Variants in ACOT13 observed in about 807,000 individuals in gnomAD.
ACOT13 encodes acyl-CoA thioesterase 13, also known as acyl-coenzyme A thioesterase 13.
ACOT13 carries 10 observed loss-of-function variants against 11.8 expected under a neutral mutation model. That is an observed-to-expected ratio of 0.85 (90% CI 0.53 to 1.44). The LOEUF (loss-of-function observed/expected upper bound fraction) is 1.44. Among genes scored for constraint, ACOT13 ranks in the 40% most tolerant of loss-of-function variants. The pLI is 0.00. For synonymous variants in ACOT13, 53 were observed against 61.0 expected (o/e 0.87, Z 0.61); for missense variants, 172 against 174.1 (o/e 0.99, Z 0.07).
intron 1 of ACOT13, among the ~76,000 whole-genome samples, chr6:24,674,107 G>A (rs1291652594): frequency 6.6e-6 from 1 of 152,068 alleles, no homozygotes; most frequent in African/African-American, 2.4e-5. Context: ...TGGCACCCAG[G>A]CTGGAAGGCA....
At position 24,704,454 on chromosome 6, in the gene ACOT13, G is replaced by GT. The variant is rs1163749699; in HGVS notation, c.*2843dup. 6.6e-6 allele frequency: 1 copy of GT among 152,166 alleles called. No homozygotes were observed. The highest frequency in any genetic ancestry group is 1.5e-5 in the Non-Finnish European group (1 of 68,030). 9.4% of individuals were successfully genotyped at this position (152,166 alleles called of 1,614,324 possible). A position where few individuals can be genotyped will look rare whatever the true frequency, so the allele number is the denominator to read the frequency against. ...TAGGCCTTAAGAGCCAGCCAGCCTG[G>GT]TTTTAAATCCTCCACTACTTATGAT... On this transcript the variant is annotated 3_prime_UTR_variant, in exon 3 of 3. Transcript: ENST00000230048.
intron 1 of ACOT13, among the ~76,000 whole-genome samples, chr6:24,671,344 C>T (rs953050069): frequency 6.6e-6 from 1 of 152,010 alleles, no homozygotes; most frequent in Non-Finnish European, 1.5e-5. Flanking sequence ...CCATCATTCT[C>T]AGCAAACTAT....
intron 1 of ACOT13, among the ~76,000 whole-genome samples, chr6:24,686,643 C>A (rs910745413): frequency 6.8e-6 from 1 of 146,000 alleles, no homozygotes; most frequent in Non-Finnish European, 1.5e-5. Flanking sequence ...CACTCTTTCT[C>A]TCTTTCTTCT....
chr6:24,674,650 A>C (rs571547417), intron 1 of ACOT13, among the ~76,000 whole-genome samples: 104 of 152,196 alleles, frequency 6.8e-4, no homozygotes, highest in Middle Eastern at 6.8e-3. Context: ...TCCTGACCTC[A>C]AGTGATCTGA....
At chr6:24,699,302 C>T (rs1228876355) in intron 2 of ACOT13, among the ~76,000 whole-genome samples, 8 of 151,178 alleles carry the variant, frequency 5.3e-5, no homozygotes, top group African/African-American at 9.7e-5. Flanking sequence ...CTCCGCCTCC[C>T]GGGTTCACAC....
intron 1 of ACOT13, 71 bp downstream of exon 1, chr6:24,667,415 G>C: frequency 7.2e-7 from 1 of 1,385,864 alleles, no homozygotes; most frequent in Non-Finnish European, 1.0e-6. Flanking sequence ...TGGTGCCGTT[G>C]TGAGCTTTGA....
chr6:24,667,238 G>C lies in ACOT13; in HGVS notation c.-26G>C. 2.5e-6 allele frequency: 4 copies of C among 1,612,108 alleles called. No homozygotes were observed. The highest frequency in any genetic ancestry group is 3.4e-6 in the Non-Finnish European group (4 of 1,178,620). On this transcript the variant is annotated 5_prime_UTR_variant, in exon 1 of 3. Transcript: ENST00000230048. ...CTTCCGAAGTTCGTTCTTGCGCAAA[G>C]CCCAAAGGCTGGAAAACCGTCCACG...
At chr6:24,692,545 G>A (rs754059126) in intron 1 of ACOT13, among the ~76,000 whole-genome samples, 44 of 152,014 alleles carry the variant, frequency 2.9e-4, no homozygotes, top group Non-Finnish European at 5.4e-4. Flanking sequence ...AGCTTCCCTC[G>A]GAGCTGGGAC....
chr6:24,690,015 C>T (rs968726501), intron 1 of ACOT13, among the ~76,000 whole-genome samples: 2 of 152,128 alleles, frequency 1.3e-5, no homozygotes, highest in Non-Finnish European at 2.9e-5. Context: ...TGAGCTACTG[C>T]TGAATTAAAA....
At chr6:24,686,533 C>CT (rs141184686) in intron 1 of ACOT13, among the ~76,000 whole-genome samples, 1 of 151,700 alleles carries the variant, frequency 6.6e-6, no homozygotes, top group Non-Finnish European at 1.5e-5. Context: ...GTGCCACACT[C>CT]TTTTTTTTCT....
At chr6:24,668,220 G>T (rs1243122099) in intron 1 of ACOT13, among the ~76,000 whole-genome samples, 1 of 141,958 alleles carries the variant, frequency 7.0e-6, no homozygotes, top group Non-Finnish European at 1.6e-5. Context: ...GAAGGTGTTT[G>T]TTGTTGTTGT....
At chr6:24,670,815 A>G (rs1335894879) in intron 1 of ACOT13, among the ~76,000 whole-genome samples, 1 of 152,162 alleles carries the variant, frequency 6.6e-6, no homozygotes, top group African/African-American at 2.4e-5. Context: ...GCAAAAAGTC[A>G]AAAAGATTAG....
chr6:24,668,555 C>G (rs573863399), intron 1 of ACOT13, among the ~76,000 whole-genome samples: 1 of 152,214 alleles, frequency 6.6e-6, no homozygotes, highest in South Asian at 2.1e-4. Context: ...AAAGGACACT[C>G]CTGTGTTTGG....
chr6:24,680,842 A>G (rs1025274056), intron 1 of ACOT13, among the ~76,000 whole-genome samples: 1 of 152,206 alleles, frequency 6.6e-6, no homozygotes, highest in Non-Finnish European at 1.5e-5. Context: ...TCTTTTGATT[A>G]TGTAAGTATG....
At chr6:24,687,704 A>ATT in intron 1 of ACOT13, 1 of 1,454,280 alleles carries the variant, frequency 6.9e-7, no homozygotes, top group East Asian at 2.6e-5. Flanking sequence ...GTAAGAATAG[A>ATT]ATTTTTTTTT....
intron 1 of ACOT13, among the ~76,000 whole-genome samples, chr6:24,671,881 C>T (rs1294802841): frequency 1.3e-5 from 2 of 152,188 alleles, no homozygotes; most frequent in African/African-American, 4.8e-5. Flanking sequence ...ATCAGAATTA[C>T]AGGAATTTCC....
rs573434916 is a variant in ACOT13, at chr6:24,669,163, G to A, written c.81+1819G>A. Among the ~76,000 whole-genome samples, 9 of 152,320 alleles carry A rather than the reference G, an allele frequency of 5.9e-5. No homozygotes were observed. The East Asian group carries it at 1.2e-3, about 20-fold the overall frequency. ...TTTTGCCAAGGTTGAGGATGCGCAC[G>A]CAGTGACACAGCCTCAGGAGGTCCT... On this transcript the variant is annotated intron_variant, in intron 1 of 2. Coordinates refer to ENST00000230048, the MANE Select transcript of ACOT13 (RefSeq NM_018473.4).
At chr6:24,693,096 C>T (rs561985655) in intron 1 of ACOT13, among the ~76,000 whole-genome samples, 13 of 152,332 alleles carry the variant, frequency 8.5e-5, no homozygotes, top group Admixed American at 8.5e-4. Context: ...TCCTTAGACA[C>T]ACCTCCTGTC....
chr6:24,678,798 C>T (rs958867126), intron 1 of ACOT13, among the ~76,000 whole-genome samples: 1 of 152,148 alleles, frequency 6.6e-6, no homozygotes, highest in East Asian at 1.9e-4. Flanking sequence ...TAGGACCCCT[C>T]GGATAGTGAC....
Sources: gnomAD v4.1 joint callset for allele counts (sites outside exome capture counted in the v4.1 genomes callset) on GRCh38, gnomAD v4.1.1 for gene constraint, MANE v1.5 for transcripts, NCBI Gene and HGNC (gene_info 2026-07-23, HGNC 2026-07-21) for gene names.